PITPNM1: variants seen among roughly 807,000 people sequenced by gnomAD.
PITPNM1 encodes the protein membrane-associated phosphatidylinositol transfer protein 1.
PITPNM1 carries 74 observed loss-of-function variants against 133.3 expected under a neutral mutation model. The ratio of observed to expected loss-of-function variants is 0.56; its 90% CI spans 0.46 to 0.67. PITPNM1 has a LOEUF of 0.67. Ranked by LOEUF, PITPNM1 falls within the 30% of genes least tolerant of loss-of-function variation. The probability of loss-of-function intolerance (pLI) is 0.00; values close to 1 mark genes in which losing one functional copy is unlikely to be tolerated. For synonymous variants in PITPNM1, 738 were observed against 741.4 expected (o/e 1.00, Z 0.08); for missense variants, 1,398 against 1,739.5 (o/e 0.80, Z 3.49).
intron 19 of PITPNM1, 56 bp from the exon 20 acceptor site, chr11:67,494,126 G>A: frequency 6.3e-7 from 1 of 1,590,726 alleles, no homozygotes; most frequent in East Asian, 2.2e-5. Context: ...GGTGGGCAGA[G>A]GCGGGGCTGT....
chr11:67,503,795 G>T (rs990619632), intron 2 of PITPNM1: 5 of 293,202 alleles, frequency 1.7e-5, no homozygotes, highest in South Asian at 1.2e-4. Flanking sequence ...ACCCCCTCCC[G>T]CCTTCCTCTG....
In PITPNM1 at chr11:67,500,202, G is replaced by T; in HGVS notation, c.860C>A (p.Thr287Asn). ...EARSAASNTG[T>N]PDGPEAPPGP... ...TGGGGGGGCCTCAGGCCCATCGGGG[G>T]TGCCAGTGTTGCTGGCCGCAGACCG... The change falls in exon 6 of 24, where the codon ACC becomes AAC. Residue 287 changes from threonine to asparagine, a missense_variant. Around this residue, in one of 5 missense-constraint regions of PITPNM1, gnomAD observed 195 missense variants for 178.8 expected, o/e 1.09. Coordinates refer to ENST00000356404, the MANE Select transcript of PITPNM1 (RefSeq NM_004910.3). 3 of 1,603,826 alleles carry T rather than the reference G, an allele frequency of 1.9e-6. No individual in the cohort carries two copies. Among genetic ancestry groups the T allele is most frequent in the Non-Finnish European group, 2.5e-6 (3 of 1,178,906 alleles).
intron 5 of PITPNM1, among the ~76,000 whole-genome samples, chr11:67,501,615 C>T (rs979631347): frequency 2.0e-5 from 3 of 152,202 alleles, no homozygotes; most frequent in Admixed American, 1.3e-4. Context: ...ATCTTAGAAT[C>T]TTAATGGAAG....
intron 5 of PITPNM1, among the ~76,000 whole-genome samples, chr11:67,501,095 G>A (rs1194043972): frequency 1.3e-5 from 2 of 152,188 alleles, no homozygotes; most frequent in African/African-American, 4.8e-5. Flanking sequence ...AATAATCATC[G>A]TCATTACCTG....
chr11:67,500,146 C>T lies in PITPNM1; in HGVS notation c.916G>A (p.Gly306Arg). Reference sequence around the variant, plus strand: ...CGGGAGGATGAGGACCACTGCTTCCCAAAGCTGGCATCGGGGGAGGCATCT... The same window carrying T: ...CGGGAGGATGAGGACCACTGCTTCCTAAAGCTGGCATCGGGGGAGGCATCT... ...GPDASPDASFGKQWSSSSRSS... is the reference protein window; with the variant it reads ...GPDASPDASFRKQWSSSSRSS... The change falls in exon 6 of 24, where the codon GGG (glycine) becomes AGG (arginine). Residue 306 changes from glycine to arginine, a missense_variant. Around this residue, in one of 5 missense-constraint regions of PITPNM1, gnomAD observed 195 missense variants for 178.8 expected, o/e 1.09. Transcript: ENST00000356404. The T allele has an allele frequency of 6.3e-7, 1 of 1,593,102 alleles. No individual in the cohort carries two copies. The highest frequency in any genetic ancestry group is 8.6e-7 in the Non-Finnish European group (1 of 1,168,958).
At chr11:67,503,570 C>G (rs1866400526) in intron 2 of PITPNM1, among the ~76,000 whole-genome samples, 1 of 152,214 alleles carries the variant, frequency 6.6e-6, no homozygotes, top group Admixed American at 6.5e-5. Flanking sequence ...TCTGGTCCTG[C>G]TGTGCTGGGG....
chr11:67,498,667 G>C lies in PITPNM1; in HGVS notation c.1413C>G (p.Ala471=). The C allele has an allele frequency of 6.2e-7, 1 of 1,601,816 alleles. No homozygotes were observed. Among genetic ancestry groups the C allele is most frequent in the Non-Finnish European group, 8.5e-7 (1 of 1,179,934 alleles). ...CCAGTCGCAGCGCCACGTGGCCCAA[G>C]GCCTCAGGGAAGTGGATGCGGGTGA... ...EAVTRIHFPE[A]LGHVALRLVP... Residue 471 remains alanine, a synonymous_variant, in exon 10 of 24, where the codon GCC becomes GCG. Transcript: ENST00000356404. This position sits in a 1 kb window ranked among gnomAD's most constrained non-coding sequence, Gnocchi z 5.7.
At chr11:67,497,785 C>T in intron 12 of PITPNM1, 106 bp from the exon 13 acceptor site, 1 of 1,520,640 alleles carries the variant, frequency 6.6e-7, no homozygotes, top group Admixed American at 1.9e-5. Flanking sequence ...AGCAGAATTC[C>T]AGAGAAGACA....
chr11:67,498,521 A>G lies in PITPNM1; in HGVS notation c.1484+75T>C. On this transcript the variant is annotated intron_variant, in intron 10 of 23. Transcript: ENST00000356404. The surrounding 1 kb of genome is among the most constrained non-coding windows in gnomAD (Gnocchi z 5.7). ...ACCGACCCAGGTGTCTGGCTTCCTG[A>G]CCCCTTCCCCGCTCCCTGCCCCGCT... 2 of 1,547,228 alleles carry G rather than the reference A, an allele frequency of 1.3e-6. No individual in the cohort carries two copies. Among genetic ancestry groups the G allele is most frequent in the Non-Finnish European group, 1.7e-6 (2 of 1,149,980 alleles).
Position 67,504,072 on chromosome 11 carries a change from T to C in PITPNM1, c.78+31A>G. 1.3e-6 allele frequency: 2 copies of C among 1,549,680 alleles called. No homozygotes were observed. Among genetic ancestry groups the C allele is most frequent in the Non-Finnish European group, 1.7e-6 (2 of 1,145,144 alleles). ...GCGGGGTCGGCAGGGCTCCACCCCT[T>C]GCCCGGGTGCCCTCTCCCCGCCGCC... On this transcript the variant is annotated intron_variant, in intron 2 of 23. Transcript: ENST00000356404. The surrounding 1 kb of genome is among the most constrained non-coding windows in gnomAD (Gnocchi z 5.4).
In PITPNM1 at chr11:67,494,826, G is replaced by T; in HGVS notation, c.2742+20C>A. The T allele has an allele frequency of 1.0e-6, 1 of 987,228 alleles. No individual in the cohort carries two copies. Among genetic ancestry groups the T allele is most frequent in the Non-Finnish European group, 1.6e-6 (1 of 641,804 alleles). The allele number at this position is 987,228 out of a possible 1,614,324, so 61.2% of individuals were successfully genotyped here. A position where few individuals can be genotyped will look rare whatever the true frequency, so the allele number is the denominator to read the frequency against. On this transcript the variant is annotated intron_variant, in intron 18 of 23. Coordinates refer to ENST00000356404, the MANE Select transcript of PITPNM1 (RefSeq NM_004910.3). Reference sequence around the variant, plus strand: ...CGAGAGTGGGCGAGTGGGCGAGGGGGCGAGGGGCAGGGCACCTACCCGGAT... The same window carrying T: ...CGAGAGTGGGCGAGTGGGCGAGGGGTCGAGGGGCAGGGCACCTACCCGGAT...
chr11:67,500,011 T>C lies in PITPNM1; in HGVS notation c.968-2A>G. ...ACAAGCTCTGGGGAGACACAGCCCCTGCCGGGCCAGCTCAGCCTCAGCCTC... is the reference window on the plus strand; with the variant it reads ...ACAAGCTCTGGGGAGACACAGCCCCCGCCGGGCCAGCTCAGCCTCAGCCTC... On this transcript the variant is annotated splice_acceptor_variant, in intron 6 of 23. Coordinates refer to ENST00000356404, the MANE Select transcript of PITPNM1 (RefSeq NM_004910.3). LOFTEE classifies it high-confidence loss of function. 6.2e-7 allele frequency: 1 copy of C among 1,611,820 alleles called. No homozygotes were observed. Among genetic ancestry groups the C allele is most frequent in the Non-Finnish European group, 8.5e-7 (1 of 1,179,442 alleles).
chr11:67,502,324 A>T lies in PITPNM1; in HGVS notation c.383T>A (p.Leu128Gln). The T allele has an allele frequency of 6.2e-7, 1 of 1,613,574 alleles. No individual in the cohort carries two copies. Among genetic ancestry groups the T allele is most frequent in the Non-Finnish European group, 8.5e-7 (1 of 1,180,024 alleles). ...DGGQQPNVFN[L>Q]SGAERRQRIL... ...GCGCTGTCTCCTCTCGGCCCCGCTC[A>T]GGTTGAAGACGTTTGGCTGCTGCCC... The change falls in exon 4 of 24, where the codon CTG (leucine) becomes CAG (glutamine). Residue 128 changes from leucine (L) to glutamine (Q), a missense_variant. Leu to Gln is a moderately radical substitution (Grantham distance 113). Coordinates refer to ENST00000356404, the MANE Select transcript of PITPNM1 (RefSeq NM_004910.3). The surrounding 1 kb of genome is among the most constrained non-coding windows in gnomAD (Gnocchi z 5.9).
chr11:67,498,982 A>G lies in PITPNM1; in HGVS notation c.1191T>C (p.Ala397=), dbSNP rs61731773. 1,444 of 1,612,348 alleles carry G rather than the reference A, an allele frequency of 9.0e-4. 15 individuals carry two copies. The African/African-American group carries it at 0.017, about 19-fold the overall frequency. Reference sequence around the variant, plus strand: ...CTTGGGCCCCATCCTCAATGCCTTTAGCTGCCTCGGCTCCAGGCTCTGCAG... The same window carrying G: ...CTTGGGCCCCATCCTCAATGCCTTTGGCTGCCTCGGCTCCAGGCTCTGCAG... ...EGTPEPGAEA[A]KGIEDGAQAP... is the part of the protein sequence containing the mutation. Residue 397 remains alanine (A), a synonymous_variant, in exon 9 of 24, where the codon GCT becomes GCC. Coordinates refer to ENST00000356404, the MANE Select transcript of PITPNM1 (RefSeq NM_004910.3). The surrounding 1 kb of genome is among the most constrained non-coding windows in gnomAD (Gnocchi z 5.7).
chr11:67,503,438 A>G (rs570659453), intron 2 of PITPNM1, among the ~76,000 whole-genome samples: 89 of 152,108 alleles, frequency 5.9e-4, no homozygotes, highest in African/African-American at 2.0e-3. Flanking sequence ...CCGCCTCCCA[A>G]TCCCAGCTCC....
chr11:67,502,573 G>C lies in PITPNM1; in HGVS notation c.224C>G (p.Ala75Gly). The stretch of plus-strand genomic sequence containing the variant: ...CTGCAGGGCAGCCTTGGGCAGCAGT[G>C]CCCGGAACCAGCCTGGGATGTGGGA... The part of the protein sequence containing the change: ...VGSHIPGWFR[A>G]LLPKAALQVE... The change falls in exon 3 of 24, where the codon GCA becomes GGA. Residue 75 changes from alanine to glycine, a missense_variant. Ala to Gly is a moderately conservative substitution (Grantham distance 60). This residue lies in a region of PITPNM1 where 274 missense variants were observed against 360.7 expected (regional missense o/e 0.76). Transcript: ENST00000356404. The surrounding 1 kb of genome is among the most constrained non-coding windows in gnomAD (Gnocchi z 5.9). 6.2e-7 allele frequency: 1 copy of C among 1,613,640 alleles called. No homozygotes were observed. Among genetic ancestry groups the C allele is most frequent in the Non-Finnish European group, 8.5e-7 (1 of 1,180,002 alleles).
At chr11:67,503,647 C>T (rs913925413) in intron 2 of PITPNM1, among the ~76,000 whole-genome samples, 7 of 152,190 alleles carry the variant, frequency 4.6e-5, no homozygotes, top group Non-Finnish European at 8.8e-5. Flanking sequence ...CTGCCCTGGC[C>T]CACTCTTCTC....
In PITPNM1 at chr11:67,498,744, C is replaced by T. The variant is rs377079742; in HGVS notation, c.1336G>A (p.Ala446Thr). Residue 446 changes from alanine to threonine, a missense_variant, in exon 10 of 24, where the codon GCC (alanine) becomes ACC (threonine). Physicochemically the swap from Ala to Thr is moderately conservative, Grantham distance 58. This residue lies in a region of PITPNM1 where 574 missense variants were observed against 698.7 expected (regional missense o/e 0.82). Coordinates refer to ENST00000356404, the MANE Select transcript of PITPNM1 (RefSeq NM_004910.3). The surrounding 1 kb of genome is among the most constrained non-coding windows in gnomAD (Gnocchi z 5.7). ...GNILDSGPGD[A>T]NSKQADVQTL... ...TGCACATCCGCCTGCTTGGAGTTGG[C>T]GTCTCCAGGGCCTGAGTCCAGGATG... is the stretch of plus-strand genomic sequence containing the variant. 3.2e-5 allele frequency: 52 copies of T among 1,610,878 alleles called. No homozygotes were observed. In the Admixed American group the frequency reaches 5.7e-4, roughly 18 times the overall value.
chr11:67,498,584 C>T lies in PITPNM1; in HGVS notation c.1484+12G>A, dbSNP rs760518619. ...CCTACGAGTTCCCTGCCCTTCCACCCGTGGCTAGTACTTGGAGACAAGGGC... is the reference window on the plus strand; with the variant it reads ...CCTACGAGTTCCCTGCCCTTCCACCTGTGGCTAGTACTTGGAGACAAGGGC... On this transcript the variant is annotated intron_variant, in intron 10 of 23. Transcript: ENST00000356404. The surrounding 1 kb of genome is among the most constrained non-coding windows in gnomAD (Gnocchi z 5.7). 1.6e-5 allele frequency: 25 copies of T among 1,591,930 alleles called. No individual in the cohort carries two copies. The highest frequency in any genetic ancestry group is 2.0e-5 in the Non-Finnish European group (24 of 1,175,612).
Sources: allele counts gnomAD v4.1 joint callset (sites outside exome capture counted in the v4.1 genomes callset), GRCh38; gene constraint gnomAD v4.1.1; regional missense constraint gnomAD v4.1.1; non-coding constraint Gnocchi (gnomAD v3.1); transcripts MANE v1.5; gene names NCBI Gene and HGNC (gene_info 2026-07-23, HGNC 2026-07-21).